The following ZSCAN25 variants were observed in gnomAD, a reference collection of about 807,000 sequenced individuals.
ZSCAN25 encodes zinc finger and SCAN domain-containing protein 25.
In ZSCAN25, 27 loss-of-function variants were observed where a neutral mutation model predicts 38.7. The ratio of observed to expected loss-of-function variants is 0.70; its 90% CI spans 0.51 to 0.96. ZSCAN25 has a LOEUF of 0.96. Ranked by LOEUF, ZSCAN25 falls within the 40% of genes least tolerant of loss-of-function variation. ZSCAN25 has a pLI of 0.00. For missense variants in ZSCAN25, 637 were observed against 705.9 expected (o/e 0.90, Z 1.11); for synonymous variants, 273 against 277.7 (o/e 0.98, Z 0.17).
chr7:99,668,671 A>G, the ZSCAN25 span, among the ~76,000 whole-genome samples: 2 of 152,236 alleles, frequency 1.3e-5, no homozygotes, highest in Non-Finnish European at 2.9e-5. Flanking sequence ...ATTAACTAAC[A>G]AAGAGCGAGA....
chr7:99,702,481 C>G, the ZSCAN25 span, among the ~76,000 whole-genome samples: 1 of 152,178 alleles, frequency 6.6e-6, no homozygotes, highest in Non-Finnish European at 1.5e-5. Context: ...TGATATCCAG[C>G]TTTCCCAGCA....
chr7:99,711,779 CA>C, the ZSCAN25 span, among the ~76,000 whole-genome samples: 1 of 64,170 alleles, frequency 1.6e-5, no homozygotes, highest in Non-Finnish European at 6.7e-5. Context: ...CAAAACAAAA[CA>C]AAACAACAAC....
the ZSCAN25 span, chr7:99,734,951 A>G: frequency 1.2e-6 from 2 of 1,606,890 alleles, no homozygotes; most frequent in Admixed American, 1.7e-5. Context: ...CAAAACAGAT[A>G]AGGGAAAGAG....
chr7:99,674,901 C>A, the ZSCAN25 span, among the ~76,000 whole-genome samples: 5 of 152,174 alleles, frequency 3.3e-5, no homozygotes, highest in Non-Finnish European at 7.3e-5. Context: ...GTCTCCTAAC[C>A]CCGTGAATGA....
At chr7:99,666,628 T>C in the ZSCAN25 span, 2 of 1,614,040 alleles carry the variant, frequency 1.2e-6, no homozygotes, top group Non-Finnish European at 1.7e-6. Flanking sequence ...CTTGCCTTTC[T>C]CTGCTTCCCG....
At chr7:99,705,650 GTA>G in the ZSCAN25 span, 1 of 1,597,562 alleles carries the variant, frequency 6.3e-7, no homozygotes, top group East Asian at 2.2e-5. Flanking sequence ...AAAGTAGAAA[GTA>G]TAGCATCAAA....
At chr7:99,660,214 CTTTT>C in the ZSCAN25 span, 1,418 of 428,742 alleles carry the variant, frequency 3.3e-3, no homozygotes, top group Non-Finnish European at 3.6e-3. Flanking sequence ...CGCCACACTC[CTTTT>C]TTTTTTTTTT....
At position 99,625,552 on chromosome 7, in the gene ZSCAN25, T is replaced by A. The variant is rs117984430; in HGVS notation, c.805+1372T>A. Among the ~76,000 whole-genome samples the A allele has an allele frequency of 4.1e-3, 618 of 152,280 alleles. 5 individuals carry two copies. The highest frequency in any genetic ancestry group is 6.0e-3 in the Non-Finnish European group (406 of 68,000). ...GGCAGTGATGCAAGTGGCAGAAAGA[T>A]GTCAGCATACTTTATGTGGAGATGT... On this transcript the variant is annotated intron_variant, in intron 7 of 7. Transcript: ENST00000394152.
the ZSCAN25 span, among the ~76,000 whole-genome samples, chr7:99,678,875 G>A: frequency 6.6e-6 from 1 of 152,194 alleles, no homozygotes; most frequent in Non-Finnish European, 1.5e-5. Context: ...GACAGGTGGA[G>A]CCTCCACTAC....
intron 7 of ZSCAN25, 98 bp downstream of exon 7, chr7:99,624,278 G>T: frequency 6.5e-7 from 1 of 1,537,550 alleles, no homozygotes; most frequent in South Asian, 1.1e-5. Context: ...AAAGGAAGGG[G>T]ACTTCATGGC....
At chr7:99,677,267 A>G in the ZSCAN25 span, 4 of 985,206 alleles carry the variant, frequency 4.1e-6, no homozygotes, top group Non-Finnish European at 4.8e-6. Context: ...CTGAAGGAAG[A>G]GGTTGCCAGA....
chr7:99,707,926 G>A, the ZSCAN25 span: 14 of 1,613,992 alleles, frequency 8.7e-6, no homozygotes, highest in Middle Eastern at 1.7e-4. Context: ...CACTTCCAAA[G>A]GGTGTGTATA....
At chr7:99,729,988 A>T in the ZSCAN25 span, among the ~76,000 whole-genome samples, 2 of 152,244 alleles carry the variant, frequency 1.3e-5, no homozygotes, top group Non-Finnish European at 2.9e-5. Flanking sequence ...CCTGGGCAGT[A>T]ATTAGACAAC....
At chr7:99,628,166 G>C (rs867815415) in intron 7 of ZSCAN25, among the ~76,000 whole-genome samples, 2 of 152,102 alleles carry the variant, frequency 1.3e-5, no homozygotes, top group Non-Finnish European at 2.9e-5. Context: ...ATCTTTGCGT[G>C]TACAAAACAT....
chr7:99,623,142 C>T (rs1412859101), intron 6 of ZSCAN25, among the ~76,000 whole-genome samples: 2 of 152,172 alleles, frequency 1.3e-5, no homozygotes, highest in African/African-American at 4.8e-5. Context: ...GATAGAAACC[C>T]CCTAGGGCTA....
At chr7:99,682,322 AG>A in the ZSCAN25 span, among the ~76,000 whole-genome samples, 3 of 152,214 alleles carry the variant, frequency 2.0e-5, no homozygotes, top group Admixed American at 6.5e-5. Context: ...GGTGAGATAC[AG>A]GGTTCTAGTT....
the ZSCAN25 span, among the ~76,000 whole-genome samples, chr7:99,704,760 G>C: frequency 6.6e-6 from 1 of 151,994 alleles, no homozygotes; most frequent in Non-Finnish European, 1.5e-5. Flanking sequence ...TCAGGAGATC[G>C]AGAGCATCCT....
chr7:99,625,686 C>G (rs1395148907), intron 7 of ZSCAN25, among the ~76,000 whole-genome samples: 1 of 152,084 alleles, frequency 6.6e-6, no homozygotes, highest in Non-Finnish European at 1.5e-5. Flanking sequence ...AGGGATATTC[C>G]CCTCCCAGTG....
chr7:99,692,769 CTG>C, the ZSCAN25 span, among the ~76,000 whole-genome samples: 1 of 152,126 alleles, frequency 6.6e-6, no homozygotes, highest in Non-Finnish European at 1.5e-5. Context: ...CTTCTTGACA[CTG>C]TTTATTTTAG....
Sources: gnomAD v4.1 joint callset for allele counts (sites outside exome capture counted in the v4.1 genomes callset) on GRCh38, gnomAD v4.1.1 for gene constraint, MANE v1.5 for transcripts, NCBI Gene and HGNC (gene_info 2026-07-23, HGNC 2026-07-21) for gene names.